Variants in ANO3 observed in about 807,000 individuals in gnomAD.
The protein encoded by ANO3 is anoctamin 3, also known as anoctamin-3.
ANO3 carries 99 observed loss-of-function variants against 144.8 expected under a neutral mutation model. The ratio of observed to expected loss-of-function variants is 0.68; its 90% CI spans 0.58 to 0.81. The LOEUF is 0.81. Among genes scored for constraint, ANO3 ranks in the 30% least tolerant of loss-of-function variants. The pLI is 0.00. For missense variants in ANO3, 905 were observed against 1,202.2 expected (o/e 0.75, Z 3.66); for synonymous variants, 414 against 392.6 (o/e 1.05, Z -0.64).
At position 26,406,963 on chromosome 11, in the gene ANO3, TAC is replaced by T. The variant is rs200481775; in HGVS notation, c.47-34948_47-34947del. 9.1e-4 allele frequency among the ~76,000 whole-genome samples: 133 copies of T among 145,998 alleles called. 5 individuals carry two copies. The East Asian group carries it at 0.024, about 26-fold the overall frequency. ...ATCTGTGTATATATACATATATATA[TAC>T]ACACACGTATATATATATATTTATA... On this transcript the variant is annotated intron_variant, in intron 1 of 26. Coordinates refer to ENST00000256737, the MANE Select transcript of ANO3 (RefSeq NM_031418.4).
At chr11:26,635,459 C>A (rs1852925830) in intron 20 of ANO3, among the ~76,000 whole-genome samples, 1 of 151,964 alleles carries the variant, frequency 6.6e-6, no homozygotes, top group African/African-American at 2.4e-5. Flanking sequence ...TATAAAAGTA[C>A]CTGCCTAAGA....
chr11:26,325,451 TTAAC>T (rs1251054753), intron 1 of ANO3, among the ~76,000 whole-genome samples: 2 of 152,200 alleles, frequency 1.3e-5, no homozygotes, highest in Admixed American at 6.5e-5. Context: ...CATTATATGA[TTAAC>T]TATTCAGTGA....
At chr11:26,561,029 T>A in intron 14 of ANO3, 1 of 1,585,092 alleles carries the variant, frequency 6.3e-7, no homozygotes, top group Middle Eastern at 1.7e-4. Flanking sequence ...AGGATGTAGA[T>A]GACACTTGCT....
intron 14 of ANO3, among the ~76,000 whole-genome samples, chr11:26,590,014 T>G (rs746408746): frequency 5.9e-5 from 9 of 152,174 alleles, no homozygotes; most frequent in Non-Finnish European, 1.3e-4. Context: ...AGAGAGCTCG[T>G]GACATTTCTG....
At chr11:26,335,582 G>A (rs1267569693) in intron 1 of ANO3, among the ~76,000 whole-genome samples, 1 of 152,054 alleles carries the variant, frequency 6.6e-6, no homozygotes, top group Non-Finnish European at 1.5e-5. Flanking sequence ...AAATTTTTAG[G>A]TTTGTAATTA....
intron 1 of ANO3, among the ~76,000 whole-genome samples, chr11:26,220,061 T>C (rs541035995): frequency 2.0e-4 from 31 of 152,118 alleles, no homozygotes; most frequent in Admixed American, 7.2e-4. Context: ...TTACAAGCAA[T>C]AGGGAGAAGA....
intron 1 of ANO3, among the ~76,000 whole-genome samples, chr11:26,344,257 C>G (rs12803689): frequency 0.32 from 48,519 of 151,962 alleles, 7,898 homozygotes; most frequent in African/African-American, 0.37. Context: ...ATTTTTTATG[C>G]ATCTTATAAT....
intron 1 of ANO3, among the ~76,000 whole-genome samples, chr11:26,302,985 C>T (rs1223602888): frequency 6.6e-6 from 1 of 152,106 alleles, no homozygotes; most frequent in Non-Finnish European, 1.5e-5. Flanking sequence ...ATCAAAACCA[C>T]AATGAAATGC....
chr11:26,484,085 A>T (rs1288617235), intron 4 of ANO3, among the ~76,000 whole-genome samples: 1 of 152,206 alleles, frequency 6.6e-6, no homozygotes, highest in South Asian at 2.1e-4. Flanking sequence ...GTAGCAAAAC[A>T]TTCAAGATGT....
chr11:26,529,633 C>A (rs1252378665), intron 7 of ANO3, among the ~76,000 whole-genome samples: 1 of 148,616 alleles, frequency 6.7e-6, no homozygotes, highest in African/African-American at 2.5e-5. Flanking sequence ...AATATTCTAT[C>A]CTGCTATTTG....
At chr11:26,601,246 G>T (rs1851792300) in intron 17 of ANO3, among the ~76,000 whole-genome samples, 1 of 152,128 alleles carries the variant, frequency 6.6e-6, no homozygotes, top group African/African-American at 2.4e-5. Flanking sequence ...ATATGCATTT[G>T]GTTCCAAATG....
At chr11:26,622,027 A>G (rs1852430367) in intron 17 of ANO3, among the ~76,000 whole-genome samples, 1 of 152,174 alleles carries the variant, frequency 6.6e-6, no homozygotes, top group Non-Finnish European at 1.5e-5. Context: ...ACAGTTGGAT[A>G]TATTTAAATC....
chr11:26,453,937 C>G (rs868800119), intron 3 of ANO3, among the ~76,000 whole-genome samples: 2 of 152,112 alleles, frequency 1.3e-5, no homozygotes, highest in African/African-American at 4.8e-5. Context: ...CAAAACCGCT[C>G]AACTACATGG....
At chr11:26,204,907 G>A (rs1457347324) in intron 1 of ANO3, among the ~76,000 whole-genome samples, 1 of 152,086 alleles carries the variant, frequency 6.6e-6, no homozygotes, top group Non-Finnish European at 1.5e-5. Context: ...TACTGCTATG[G>A]AGAAATACTC....
intron 1 of ANO3, among the ~76,000 whole-genome samples, chr11:26,223,664 G>C (rs760924945): frequency 1.3e-5 from 2 of 151,270 alleles, no homozygotes; most frequent in Non-Finnish European, 2.9e-5. Context: ...GGTTTAATTG[G>C]CTCACAGTTC....
At chr11:26,272,109 G>C (rs763837789) in intron 1 of ANO3, among the ~76,000 whole-genome samples, 3 of 151,872 alleles carry the variant, frequency 2.0e-5, no homozygotes, top group Non-Finnish European at 4.4e-5. Context: ...TCCAGTAAAT[G>C]GTTTATCAGT....
rs34831311 is a variant in ANO3, at chr11:26,509,105, C to CTATA, written c.591+857_591+860dup. Among the ~76,000 whole-genome samples, 459 of 147,666 alleles carry CTATA rather than the reference C, an allele frequency of 3.1e-3. 3 individuals carry two copies. The highest frequency in any genetic ancestry group is 7.6e-3 in the East Asian group (38 of 4,984). On this transcript the variant is annotated intron_variant, in intron 5 of 26. Transcript: ENST00000256737. Reference sequence around the variant, plus strand: ...TATACACACATCTATCTCTCTCTCTCTATATATATATATATATTATTCTGC... The same window carrying CTATA: ...TATACACACATCTATCTCTCTCTCTCTATATATATATATATATATATTATTCTGC...
intron 15 of ANO3, 70 bp downstream of exon 15, chr11:26,598,517 C>T: frequency 9.2e-7 from 1 of 1,090,524 alleles, no homozygotes; most frequent in Non-Finnish European, 1.3e-6. Flanking sequence ...ACTGCCCTAG[C>T]ATTCCGGCTG....
rs116057722 is a variant in ANO3 at position 26,469,361 on chromosome 11, A to T, written c.432+6213A>T. Among the ~76,000 whole-genome samples the T allele has an allele frequency of 3.5e-3, 539 of 152,014 alleles. 4 individuals carry two copies. Among genetic ancestry groups the T allele is most frequent in the African/African-American group, 0.012 (516 of 41,502 alleles). ...AGGCGCATGTGAGGGAGTGGTGTATATGTTATGATAAAGGTAGCATTTCAC... is the reference window on the plus strand; with the variant it reads ...AGGCGCATGTGAGGGAGTGGTGTATTTGTTATGATAAAGGTAGCATTTCAC... On this transcript the variant is annotated intron_variant, in intron 4 of 26. Transcript: ENST00000256737.
Sources: allele counts gnomAD v4.1 joint callset (sites outside exome capture counted in the v4.1 genomes callset), GRCh38; gene constraint gnomAD v4.1.1; transcripts MANE v1.5; gene names NCBI Gene and HGNC (gene_info 2026-07-23, HGNC 2026-07-21).